Variants in ALG9 observed in about 807,000 individuals in gnomAD.
The protein encoded by ALG9 is ALG9 alpha-1,2-mannosyltransferase, also known as alpha-1,2-mannosyltransferase ALG9.
ALG9 carries 55 observed loss-of-function variants against 81.8 expected under a neutral mutation model. The observed-to-expected ratio is 0.67, with a 90% confidence interval of 0.54 to 0.84. The LOEUF (loss-of-function observed/expected upper bound fraction) is 0.84. Ranked by LOEUF, ALG9 falls within the 40% of genes least tolerant of loss-of-function variation. The probability of loss-of-function intolerance (pLI) is 0.00; values close to 1 mark genes in which losing one functional copy is unlikely to be tolerated. For synonymous variants in ALG9, 278 were observed against 274.3 expected (o/e 1.01, Z -0.13); for missense variants, 629 against 745.0 (o/e 0.84, Z 1.81).
chr11:111,772,283 G>A, the ALG9 span, among the ~76,000 whole-genome samples: 30 of 152,262 alleles, frequency 2.0e-4, no homozygotes, highest in East Asian at 2.5e-3. Context: ...AAAATTAGCC[G>A]GGCACAGAGG....
chr11:111,821,568 CAT>C (rs781816483), intron 13 of ALG9, among the ~76,000 whole-genome samples: 1 of 152,126 alleles, frequency 6.6e-6, no homozygotes, highest in Non-Finnish European at 1.5e-5. Flanking sequence ...ATGGTCCACT[CAT>C]GTGTGTCACT....
In ALG9 at chr11:111,786,114, A is replaced by G. The variant is rs1032633304; in HGVS notation, c.*283T>C. The stretch of plus-strand genomic sequence containing the variant: ...TCCGGTCTAGTAAATAATTGAACAG[A>G]GGAAAAACAATGAGATGTGGAGCAA... On this transcript the variant is annotated 3_prime_UTR_variant, in exon 15 of 15. Coordinates refer to ENST00000616540, the MANE Select transcript of ALG9 (RefSeq NM_024740.2). 1.6e-5 allele frequency: 8 copies of G among 497,004 alleles called. No individual in the cohort carries two copies. In the Admixed American group the frequency reaches 1.8e-4, roughly 11 times the overall value. 30.8% of individuals were successfully genotyped at this position (497,004 alleles called of 1,614,324 possible).
At chr11:111,806,895 A>G (rs1420205842) in intron 14 of ALG9, among the ~76,000 whole-genome samples, 5 of 152,166 alleles carry the variant, frequency 3.3e-5, no homozygotes, top group African/African-American at 1.2e-4. Flanking sequence ...CTCAGTTAAT[A>G]GCAAGTTCAT....
At chr11:111,781,898 G>A (rs915452072), downstream of ALG9, among the ~76,000 whole-genome samples, 1 of 152,248 alleles carries the variant, frequency 6.6e-6, no homozygotes, top group African/African-American at 2.4e-5. Context: ...CACCCGTCTC[G>A]GCATCCCACA....
At chr11:111,809,819 C>T in intron 13 of ALG9, 46 bp from the exon 14 acceptor site, 2 of 1,609,606 alleles carry the variant, frequency 1.2e-6, no homozygotes, top group Non-Finnish European at 1.7e-6. Flanking sequence ...TTTGAAGGTC[C>T]CTTCAGGGTA....
chr11:111,777,031 A>C, the ALG9 span, among the ~76,000 whole-genome samples: 1 of 152,218 alleles, frequency 6.6e-6, no homozygotes, highest in African/African-American at 2.4e-5. Flanking sequence ...ACTATCAATA[A>C]ATTACCAGAG....
At chr11:111,870,954 G>A in intron 1 of ALG9, 1 of 1,013,630 alleles carries the variant, frequency 9.9e-7, no homozygotes. Context: ...CAGCCTCCAG[G>A]GTTTGGGAAG....
intron 11 of ALG9, among the ~76,000 whole-genome samples, chr11:111,837,991 C>G (rs1437353060): frequency 2.0e-5 from 3 of 152,092 alleles, no homozygotes; most frequent in Non-Finnish European, 4.4e-5. Flanking sequence ...CTTAATTTAT[C>G]AGCATCCATT....
At chr11:111,827,337 G>A (rs539068128) in intron 13 of ALG9, among the ~76,000 whole-genome samples, 25 of 152,066 alleles carry the variant, frequency 1.6e-4, no homozygotes, top group African/African-American at 5.1e-4. Flanking sequence ...TTAGCCAGGC[G>A]GGGTGGCGCA....
intron 9 of ALG9, among the ~76,000 whole-genome samples, chr11:111,842,899 T>A (rs1566029706): frequency 1.3e-5 from 2 of 152,184 alleles, no homozygotes; most frequent in Non-Finnish European, 2.9e-5. Context: ...CCTGTTTTTT[T>A]ACTGACGTTA....
intron 10 of ALG9, 130 bp downstream of exon 10, chr11:111,840,525 C>T (rs920350973): frequency 9.4e-6 from 10 of 1,062,744 alleles, no homozygotes; most frequent in East Asian, 2.5e-5. Flanking sequence ...ATAATATGAT[C>T]TATATCAGGT....
intron 14 of ALG9, among the ~76,000 whole-genome samples, chr11:111,801,597 T>C (rs1949129656): frequency 1.3e-5 from 2 of 152,178 alleles, no homozygotes; most frequent in Admixed American, 6.5e-5. Flanking sequence ...GATATAGAAA[T>C]TTTGGAATCA....
intron 6 of ALG9, among the ~76,000 whole-genome samples, chr11:111,856,811 A>G (rs1256378634): frequency 5.3e-5 from 8 of 152,176 alleles, no homozygotes; most frequent in Non-Finnish European, 1.0e-4. Flanking sequence ...GGGGGCAAGA[A>G]AGAAGGAAGA....
At chr11:111,782,046 A>C (rs576292763), downstream of ALG9, 1 of 152,366 alleles carries the variant, frequency 6.6e-6, no homozygotes, top group East Asian at 1.9e-4. Context: ...CAGAATAAAC[A>C]TTCTGGGATA....
intron 9 of ALG9, 142 bp downstream of exon 9, chr11:111,844,459 A>G (rs1478360229): frequency 1.6e-6 from 2 of 1,242,614 alleles, no homozygotes; most frequent in Non-Finnish European, 2.3e-6. Context: ...ATCAACAAAC[A>G]CAGACTGAAA....
intron 13 of ALG9, among the ~76,000 whole-genome samples, chr11:111,824,867 G>A (rs574049054): frequency 3.3e-5 from 5 of 152,292 alleles, no homozygotes; most frequent in African/African-American, 1.2e-4. Flanking sequence ...TGGCTCCCAG[G>A]CTTTGAATTA....
At chr11:111,824,360 T>C (rs139042758) in intron 13 of ALG9, among the ~76,000 whole-genome samples, 506 of 152,338 alleles carry the variant, frequency 3.3e-3, no homozygotes, top group African/African-American at 0.012. Flanking sequence ...TCGACATATA[T>C]ACAAATAGTC....
At chr11:111,804,127 C>A (rs1591898705) in intron 14 of ALG9, among the ~76,000 whole-genome samples, 2 of 93,798 alleles carry the variant, frequency 2.1e-5, no homozygotes, top group African/African-American at 4.8e-5. Flanking sequence ...AGTAAGACTC[C>A]ATCTCAAAAA....
At chr11:111,833,793 CA>C (rs1565946805) in intron 13 of ALG9, among the ~76,000 whole-genome samples, 1 of 152,220 alleles carries the variant, frequency 6.6e-6, no homozygotes, top group Non-Finnish European at 1.5e-5. Flanking sequence ...GAAAAATCAT[CA>C]CCTTTCGGGT....
Sources: allele counts gnomAD v4.1 joint callset (sites outside exome capture counted in the v4.1 genomes callset), GRCh38; gene constraint gnomAD v4.1.1; transcripts MANE v1.5; gene names NCBI Gene and HGNC (gene_info 2026-07-23, HGNC 2026-07-21).